The following ANLN variants were observed in gnomAD, a reference collection of about 807,000 sequenced individuals.
ANLN encodes anillin, actin binding protein.
A neutral mutation model predicts 135.1 loss-of-function variants in ANLN; 59 were observed. The observed-to-expected ratio is 0.44, with a 90% CI of 0.35 to 0.54. The LOEUF (loss-of-function observed/expected upper bound fraction) is 0.54. Among genes scored for constraint, ANLN ranks in the 20% least tolerant of loss-of-function variants. The probability of loss-of-function intolerance (pLI) is 0.00; values close to 1 mark genes in which losing one functional copy is unlikely to be tolerated. For synonymous variants in ANLN, 406 were observed against 456.4 expected, an observed-to-expected ratio of 0.89 and a Z score of 1.41; for missense variants, 1,182 against 1,340.0, an observed-to-expected ratio of 0.88 and a Z score of 1.84.
chr7:36,449,133 CA>C (rs1789135418), intron 22 of ANLN: 1 of 152,242 alleles, frequency 6.6e-6, no homozygotes, highest in East Asian at 1.9e-4. Flanking sequence ...TTTCTTTTCC[CA>C]TTTTCAGGAC....
intron 3 of ANLN, among the ~76,000 whole-genome samples, chr7:36,401,329 C>T (rs1191968778): frequency 7.2e-5 from 11 of 152,174 alleles, no homozygotes; most frequent in African/African-American, 2.6e-4. Flanking sequence ...TGTGACCTGC[C>T]TGATGATTTT....
At chr7:36,416,263 C>G (rs1232678934) in intron 8 of ANLN, among the ~76,000 whole-genome samples, 7 of 152,206 alleles carry the variant, frequency 4.6e-5, no homozygotes, top group African/African-American at 1.7e-4. Flanking sequence ...TCGTGATCTG[C>G]TTGCCTTGGC....
intron 22 of ANLN, among the ~76,000 whole-genome samples, chr7:36,446,684 G>T (rs1408698532): frequency 6.6e-6 from 1 of 152,200 alleles, no homozygotes; most frequent in Non-Finnish European, 1.5e-5. Context: ...AAATCCGCCT[G>T]CATGATCCAG....
rs1277815074 is a variant in ANLN at position 36,444,180 on chromosome 7, C to T, written c.3078+318C>T. Reference sequence around the variant, plus strand: ...TGGCAGGTGCCTGTAATCCCAGCTACTCAGGAGGCTGAGGCAGGAGAATCT... The same window carrying T: ...TGGCAGGTGCCTGTAATCCCAGCTATTCAGGAGGCTGAGGCAGGAGAATCT... On this transcript the variant is annotated intron_variant, in intron 22 of 23. Transcript: ENST00000265748. 1.3e-4 allele frequency among the ~76,000 whole-genome samples: 20 copies of T among 152,024 alleles called. 1 individual carries two copies. The highest frequency in any genetic ancestry group is 2.9e-5 in the Non-Finnish European group (2 of 68,026).
chr7:36,389,866 C>G lies in ANLN; in HGVS notation c.-161C>G, dbSNP rs1786339800. ...ATTTGAACGGCTGCAGAGGCCGAGT[C>G]CGTCACTGGAAGCCGAGAGGAGAGG... is the stretch of plus-strand genomic sequence containing the variant. On this transcript the variant is annotated 5_prime_UTR_variant, in exon 1 of 24. Transcript: ENST00000265748. 7.7e-7 allele frequency: 1 copy of G among 1,303,262 alleles called. No homozygotes were observed. The highest frequency in any genetic ancestry group is 1.1e-6 in the Non-Finnish European group (1 of 923,564). 80.7% of individuals were successfully genotyped at this position (1,303,262 alleles called of 1,614,324 possible).
intron 10 of ANLN, 83 bp downstream of exon 10, chr7:36,419,562 G>A: frequency 8.3e-7 from 1 of 1,201,032 alleles, no homozygotes. Flanking sequence ...GTTGACAGAT[G>A]GACATTTGGC....
intron 14 of ANLN, 98 bp downstream of exon 14, chr7:36,422,907 A>G: frequency 8.4e-7 from 1 of 1,185,238 alleles, no homozygotes; most frequent in Non-Finnish European, 1.2e-6. Context: ...ATAACAATGC[A>G]AAGTTTGTAT....
intron 3 of ANLN, among the ~76,000 whole-genome samples, chr7:36,400,573 A>G (rs1198568054): frequency 6.6e-6 from 1 of 152,248 alleles, no homozygotes; most frequent in East Asian, 1.9e-4. Flanking sequence ...CATGTTGGCC[A>G]GGCTGGTCTC....
intron 12 of ANLN, among the ~76,000 whole-genome samples, chr7:36,421,529 T>C (rs1458484547): frequency 6.6e-6 from 1 of 151,988 alleles, no homozygotes; most frequent in Non-Finnish European, 1.5e-5. Flanking sequence ...TAAGGAAGCA[T>C]ATTAAAAAAA....
At chr7:36,437,307 C>G (rs1360257135) in intron 20 of ANLN, among the ~76,000 whole-genome samples, 1 of 152,144 alleles carries the variant, frequency 6.6e-6, no homozygotes. Context: ...CTCTGACTAG[C>G]TTATTTCATT....
chr7:36,426,112 G>T, intron 19 of ANLN, 76 bp downstream of exon 19: 4 of 1,046,544 alleles, frequency 3.8e-6, no homozygotes, highest in Non-Finnish European at 5.4e-6. Flanking sequence ...CATATATATA[G>T]GCCATCTTGA....
intron 22 of ANLN, among the ~76,000 whole-genome samples, chr7:36,446,961 T>TA (rs1789026652): frequency 1.3e-5 from 2 of 152,210 alleles, no homozygotes; most frequent in Non-Finnish European, 2.9e-5. Context: ...TGGAGTAATG[T>TA]ATAGTAGTTC....
chr7:36,451,058 A>G (rs1420359719), intron 23 of ANLN, among the ~76,000 whole-genome samples: 1 of 152,196 alleles, frequency 6.6e-6, no homozygotes, highest in Non-Finnish European at 1.5e-5. Flanking sequence ...ATATGAGAGT[A>G]GTACATTCTC....
In ANLN at chr7:36,425,696, T is replaced by C; in HGVS notation, c.2710-6T>C. ...AATATATATAGTAAGCTATCTTTTC[T>C]TTTAGGCTATTACTCCAAAGCGACT... is the stretch of plus-strand genomic sequence containing the variant. On this transcript the variant is annotated splice_region_variant and splice_polypyrimidine_tract_variant and intron_variant, in intron 17 of 23. Coordinates refer to ENST00000265748, the MANE Select transcript of ANLN (RefSeq NM_018685.5). 6.2e-7 allele frequency: 1 copy of C among 1,603,954 alleles called. No homozygotes were observed.
chr7:36,419,615 TAAAAG>T, intron 10 of ANLN, 136 bp downstream of exon 10: 3 of 677,322 alleles, frequency 4.4e-6, no homozygotes, highest in Non-Finnish European at 7.4e-6. Context: ...TCTGTTCTCT[TAAAAG>T]AAACCTTAAA....
intron 22 of ANLN, among the ~76,000 whole-genome samples, chr7:36,448,256 C>T (rs1279021521): frequency 1.3e-5 from 2 of 152,168 alleles, no homozygotes; most frequent in Non-Finnish European, 2.9e-5. Context: ...TCAAAGGTAT[C>T]CGCCTGCCTC....
At chr7:36,445,021 G>A (rs965636603) in intron 22 of ANLN, among the ~76,000 whole-genome samples, 3 of 151,968 alleles carry the variant, frequency 2.0e-5, no homozygotes, top group Non-Finnish European at 2.9e-5. Flanking sequence ...AGCTCCCCAT[G>A]TAATTCTCTC....
chr7:36,400,298 CCTATAAGGTTT>C (rs748056865), intron 3 of ANLN, among the ~76,000 whole-genome samples: 48 of 152,262 alleles, frequency 3.2e-4, no homozygotes, highest in Admixed American at 5.9e-4. Context: ...AGCCGATAAA[CCTATAAGGTTT>C]CTTAAGGCAG....
At chr7:36,445,166 T>C (rs1788942453) in intron 22 of ANLN, among the ~76,000 whole-genome samples, 1 of 119,924 alleles carries the variant, frequency 8.3e-6, no homozygotes, top group East Asian at 2.6e-4. Context: ...GGATTCTTTT[T>C]TTTTTTTTTT....
Sources: gnomAD v4.1 joint callset for allele counts (sites outside exome capture counted in the v4.1 genomes callset) on GRCh38, gnomAD v4.1.1 for gene constraint, MANE v1.5 for transcripts, NCBI Gene and HGNC (gene_info 2026-07-23, HGNC 2026-07-21) for gene names.